The following KCNJ3 variants were observed in gnomAD, a reference collection of about 807,000 sequenced individuals.
KCNJ3 encodes the protein potassium inwardly rectifying channel subfamily J member 3.
Under a neutral mutation model 39.2 loss-of-function variants are expected in KCNJ3, and 4 were observed. That is an observed-to-expected ratio of 0.10 (90% confidence interval 0.05 to 0.23). The LOEUF is 0.23. Ranked by LOEUF, KCNJ3 falls within the 10% of genes least tolerant of loss-of-function variation. The pLI, the probability that KCNJ3 is intolerant of heterozygous loss-of-function variation, is 1.00. For missense variants in KCNJ3, 276 were observed against 634.9 expected, an observed-to-expected ratio of 0.43 and a Z score of 6.08; for synonymous variants, 230 against 237.4, an observed-to-expected ratio of 0.97 and a Z score of 0.29.
chr2:154,827,202 A>C (rs1687285684), intron 2 of KCNJ3, among the ~76,000 whole-genome samples: 1 of 152,096 alleles, frequency 6.6e-6, no homozygotes, highest in Non-Finnish European at 1.5e-5. Context: ...TAATTGACTT[A>C]TATCTTTTTT....
At chr2:154,847,123 A>G (rs894911419) in intron 2 of KCNJ3, among the ~76,000 whole-genome samples, 2 of 152,166 alleles carry the variant, frequency 1.3e-5, no homozygotes, top group East Asian at 3.8e-4. Context: ...TTCTGGAAGC[A>G]ATTTATGTAT....
At chr2:154,708,804 G>A (rs1430395017) in intron 1 of KCNJ3, among the ~76,000 whole-genome samples, 1 of 152,098 alleles carries the variant, frequency 6.6e-6, no homozygotes, top group Non-Finnish European at 1.5e-5. Flanking sequence ...GATTTATACC[G>A]AAACTGAATG....
intron 2 of KCNJ3, among the ~76,000 whole-genome samples, chr2:154,735,688 G>C (rs2105170746): frequency 6.6e-6 from 1 of 152,216 alleles, no homozygotes; most frequent in South Asian, 2.1e-4. Context: ...ATACATAGAG[G>C]CATTAACAAT....
At chr2:154,770,533 AC>A (rs1686220635) in intron 2 of KCNJ3, among the ~76,000 whole-genome samples, 1 of 151,486 alleles carries the variant, frequency 6.6e-6, no homozygotes. Context: ...ATTTCCTTCC[AC>A]TGTTATTAGA....
intron 2 of KCNJ3, among the ~76,000 whole-genome samples, chr2:154,786,070 C>T (rs1056707216): frequency 5.9e-5 from 9 of 152,162 alleles, no homozygotes; most frequent in Non-Finnish European, 1.2e-4. Flanking sequence ...TTTAGGACTG[C>T]TGTGGTAATA....
At chr2:154,736,136 T>C (rs887708876) in intron 2 of KCNJ3, among the ~76,000 whole-genome samples, 2 of 152,056 alleles carry the variant, frequency 1.3e-5, no homozygotes, top group African/African-American at 4.8e-5. Flanking sequence ...TTTCCTGTGC[T>C]CCTCTTTCCT....
chr2:154,811,998 C>T (rs1008631148), intron 2 of KCNJ3, among the ~76,000 whole-genome samples: 3 of 152,088 alleles, frequency 2.0e-5, no homozygotes, highest in Non-Finnish European at 2.9e-5. Context: ...GTTCAGCATC[C>T]GTTTCTACCA....
chr2:154,854,584 C>T (rs1226434383), intron 2 of KCNJ3, 143 bp from the exon 3 acceptor site: 2 of 582,590 alleles, frequency 3.4e-6, no homozygotes, highest in African/African-American at 3.7e-5. Flanking sequence ...TAGAGTACAA[C>T]TTTTAATCTA....
chr2:154,764,985 A>G (rs189108441), intron 2 of KCNJ3, among the ~76,000 whole-genome samples: 1 of 152,300 alleles, frequency 6.6e-6, no homozygotes, highest in Admixed American at 6.5e-5. Flanking sequence ...TGCCTACTTA[A>G]AAACTTCTAC....
chr2:154,827,192 TA>T (rs1687285597), intron 2 of KCNJ3, among the ~76,000 whole-genome samples: 1 of 152,182 alleles, frequency 6.6e-6, no homozygotes, highest in African/African-American at 2.4e-5. Flanking sequence ...GCATATCTTT[TA>T]ATTGACTTAT....
intron 2 of KCNJ3, among the ~76,000 whole-genome samples, chr2:154,719,001 G>A (rs1362355491): frequency 1.3e-5 from 2 of 152,118 alleles, no homozygotes; most frequent in Non-Finnish European, 2.9e-5. Context: ...ATGCGTCATA[G>A]TGCAGTTACA....
intron 2 of KCNJ3, among the ~76,000 whole-genome samples, chr2:154,842,763 A>C (rs916212601): frequency 6.6e-6 from 1 of 151,370 alleles, no homozygotes; most frequent in Non-Finnish European, 1.5e-5. Context: ...GGATTGCAAC[A>C]CCTGCTTTTT....
intron 1 of KCNJ3, among the ~76,000 whole-genome samples, chr2:154,708,659 G>T (rs1374185694): frequency 2.0e-5 from 3 of 151,974 alleles, no homozygotes; most frequent in African/African-American, 7.3e-5. Flanking sequence ...ATTATTATAT[G>T]TGACCGATAT....
intron 2 of KCNJ3, among the ~76,000 whole-genome samples, chr2:154,853,209 C>A (rs991622283): frequency 6.7e-6 from 1 of 150,196 alleles, no homozygotes; most frequent in African/African-American, 2.4e-5. Context: ...ATGATAGATA[C>A]TAATTTTCTA....
rs1169177445 is a variant in KCNJ3 at position 154,858,256 on chromosome 2, C to T, written c.*2943C>T. The T allele has an allele frequency of 6.6e-6, 1 of 152,116 alleles. No homozygotes were observed. The highest frequency in any genetic ancestry group is 1.5e-5 in the Non-Finnish European group (1 of 68,010). 9.4% of individuals were successfully genotyped at this position (152,116 alleles called of 1,614,324 possible). The stretch of plus-strand genomic sequence containing the variant: ...TTGGTAGCACTCCCTTTCACTCTTA[C>T]AATGTCTTGGTTTGGATGATATATG... On this transcript the variant is annotated 3_prime_UTR_variant, in exon 3 of 3. Transcript: ENST00000295101.
intron 2 of KCNJ3, among the ~76,000 whole-genome samples, chr2:154,844,160 T>C (rs533715335): frequency 2.0e-5 from 3 of 152,146 alleles, no homozygotes; most frequent in African/African-American, 7.2e-5. Flanking sequence ...ATGTTGATGC[T>C]ATTCCTTTCT....
intron 2 of KCNJ3, among the ~76,000 whole-genome samples, chr2:154,853,048 G>A (rs769157327): frequency 6.6e-6 from 1 of 151,422 alleles, no homozygotes; most frequent in Non-Finnish European, 1.5e-5. Context: ...GCTCAAGAAA[G>A]GTCAAGAGAC....
At chr2:154,773,029 G>A (rs996176263) in intron 2 of KCNJ3, among the ~76,000 whole-genome samples, 8 of 151,938 alleles carry the variant, frequency 5.3e-5, no homozygotes, top group Admixed American at 1.3e-4. Context: ...TCCTTAAAAA[G>A]CAGGATTGCA....
At chr2:154,822,067 A>G (rs1212511722) in intron 2 of KCNJ3, among the ~76,000 whole-genome samples, 1 of 152,172 alleles carries the variant, frequency 6.6e-6, no homozygotes, top group East Asian at 1.9e-4. Context: ...CTACCTATAC[A>G]GTATTACACT....
Sources: allele counts gnomAD v4.1 joint callset (sites outside exome capture counted in the v4.1 genomes callset), GRCh38; gene constraint gnomAD v4.1.1; transcripts MANE v1.5; gene names NCBI Gene and HGNC (gene_info 2026-07-23, HGNC 2026-07-21).